Variants in CD84 observed in about 807,000 individuals in gnomAD.
CD84 encodes CD84 molecule.
In CD84, 22 loss-of-function variants were observed where a neutral mutation model predicts 33.8. That is an observed-to-expected ratio of 0.65 (90% CI 0.46 to 0.93). The LOEUF (loss-of-function observed/expected upper bound fraction) is 0.93, where lower values mean the gene tolerates loss of function less well. CD84 is among the 40% of genes least tolerant of loss of function. The probability of loss-of-function intolerance (pLI) is 0.00; values close to 1 mark genes in which losing one functional copy is unlikely to be tolerated. For missense variants in CD84, 400 were observed against 397.6 expected (o/e 1.01, Z -0.05); for synonymous variants, 154 against 145.2 (o/e 1.06, Z -0.44).
chr1:160,549,051 C>G (rs553697908), intron 6 of CD84, among the ~76,000 whole-genome samples: 14 of 151,996 alleles, frequency 9.2e-5, no homozygotes, highest in Non-Finnish European at 1.3e-4. Context: ...CCCTCCTTCC[C>G]TCTCCTGATC....
chr1:160,550,093 C>T, intron 5 of CD84, 114 bp from the exon 6 acceptor site: 1 of 781,930 alleles, frequency 1.3e-6, no homozygotes, highest in Non-Finnish European at 2.2e-6. Flanking sequence ...TACTGGGTGG[C>T]CTCCCCTTTG....
chr1:160,554,540 A>G (rs1167214068), intron 2 of CD84, among the ~76,000 whole-genome samples: 1 of 152,258 alleles, frequency 6.6e-6, no homozygotes, highest in African/African-American at 2.4e-5. Flanking sequence ...TAAGATAGCA[A>G]TGGAGGAATG....
chr1:160,577,392 A>C (rs1021238173), intron 1 of CD84, among the ~76,000 whole-genome samples: 10 of 152,220 alleles, frequency 6.6e-5, no homozygotes, highest in African/African-American at 2.2e-4. Flanking sequence ...TTGCAGAATA[A>C]TCCTTAAGAG....
intron 1 of CD84, among the ~76,000 whole-genome samples, chr1:160,577,949 C>T (rs890170655): frequency 6.6e-5 from 10 of 151,970 alleles, no homozygotes; most frequent in African/African-American, 2.4e-4. Flanking sequence ...CTAGAGCTAC[C>T]TTTTATCTTA....
At chr1:160,563,653 A>G (rs1657138300) in intron 2 of CD84, among the ~76,000 whole-genome samples, 1 of 152,124 alleles carries the variant, frequency 6.6e-6, no homozygotes, top group South Asian at 2.1e-4. Context: ...TAATACCTAG[A>G]TGATGGAATG....
At chr1:160,556,328 G>A (rs1414819219) in intron 2 of CD84, among the ~76,000 whole-genome samples, 1 of 152,116 alleles carries the variant, frequency 6.6e-6, no homozygotes, top group Non-Finnish European at 1.5e-5. Context: ...CTCTAGCTAT[G>A]GAATAATGGA....
chr1:160,545,744 C>T lies in CD84; in HGVS notation c.*2512G>A, dbSNP rs3737790. 0.02 allele frequency: 3,046 copies of T among 152,374 alleles called. 59 individuals are homozygous for T. Among genetic ancestry groups the T allele is most frequent in the African/African-American group, 0.046 (1,902 of 41,496 alleles). 9.4% of individuals were successfully genotyped at this position (152,374 alleles called of 1,614,324 possible). ...TCCCAGGTTCAAGCAATTCTCCCAC[C>T]TCAGCCTCCCAAGTAGCTGGGATTA... is the stretch of plus-strand genomic sequence containing the variant. On this transcript the variant is annotated 3_prime_UTR_variant, in exon 7 of 7. Transcript: ENST00000368054.
At chr1:160,549,884 G>A in intron 6 of CD84, 33 bp downstream of exon 6, 1 of 1,542,122 alleles carries the variant, frequency 6.5e-7, no homozygotes, top group East Asian at 2.2e-5. Flanking sequence ...GAAGAGTTAG[G>A]AAAGCAAGGA....
intron 1 of CD84, among the ~76,000 whole-genome samples, chr1:160,569,557 C>T (rs573102581): frequency 4.7e-4 from 71 of 151,746 alleles, no homozygotes; most frequent in Non-Finnish European, 8.1e-4. Context: ...CACGCACGCA[C>T]GCACACACAC....
Position 160,548,302 on chromosome 1 carries a change from T to G in CD84, c.941A>C (p.Gln314Pro). 6.2e-7 allele frequency: 1 copy of G among 1,614,204 alleles called. No homozygotes were observed. Among genetic ancestry groups the G allele is most frequent in the Non-Finnish European group, 8.5e-7 (1 of 1,180,032 alleles). Residue 314 changes from glutamine (Q) to proline (P), a missense_variant, in exon 7 of 7, where the codon CAG (glutamine) becomes CCG (proline). Physicochemically the swap from Gln to Pro is moderately conservative, Grantham distance 76. Transcript: ENST00000368054. ...FADKMGKASTQDSKPPGTSSY... is the reference protein window; with the variant it reads ...FADKMGKASTPDSKPPGTSSY... ...TGAAGTCCCAGGAGGTTTACTGTCC[T>G]GTGTGCTGGCTTTCCCCATCTGTGC...
At chr1:160,553,871 G>C (rs774229023) in intron 3 of CD84, 24 bp downstream of exon 3, 1 of 1,614,122 alleles carries the variant, frequency 6.2e-7, no homozygotes, top group East Asian at 2.2e-5. Flanking sequence ...AGACTCACCA[G>C]GAGAGATGGG....
At chr1:160,567,705 G>T (rs1557981903) in intron 1 of CD84, among the ~76,000 whole-genome samples, 1 of 152,180 alleles carries the variant, frequency 6.6e-6, no homozygotes, top group South Asian at 2.1e-4. Flanking sequence ...AAGCCATTGG[G>T]GTAGCGGGTC....
intron 2 of CD84, among the ~76,000 whole-genome samples, chr1:160,555,004 T>A (rs1656508388): frequency 6.6e-6 from 1 of 150,918 alleles, no homozygotes; most frequent in Admixed American, 6.6e-5. Context: ...AACATAAATT[T>A]TATATATATA....
In CD84 at chr1:160,547,260, T is replaced by C. The variant is rs941979642; in HGVS notation, c.*996A>G. 2.5e-6 allele frequency: 1 copy of C among 398,424 alleles called. No individual in the cohort carries two copies. Among genetic ancestry groups the C allele is most frequent in the Non-Finnish European group, 4.4e-6 (1 of 226,060 alleles). 24.7% of individuals were successfully genotyped at this position (398,424 alleles called of 1,614,324 possible). ...CCAAGTTCCTTCTGGAGAATGACTC[T>C]GCTTCTTGCAAGGTCTTCTATTTTG... is the stretch of plus-strand genomic sequence containing the variant. On this transcript the variant is annotated 3_prime_UTR_variant, in exon 7 of 7. Coordinates refer to ENST00000368054, the MANE Select transcript of CD84 (RefSeq NM_003874.4).
intron 2 of CD84, among the ~76,000 whole-genome samples, chr1:160,563,058 C>A (rs1372250358): frequency 6.6e-6 from 1 of 152,104 alleles, no homozygotes; most frequent in African/African-American, 2.4e-5. Flanking sequence ...TCCTGCCCGT[C>A]AGAATGGCAA....
intron 1 of CD84, among the ~76,000 whole-genome samples, chr1:160,576,218 T>A (rs1657984953): frequency 6.6e-6 from 1 of 152,140 alleles, no homozygotes; most frequent in Non-Finnish European, 1.5e-5. Context: ...TGGGGTCCAG[T>A]TACCCATAGT....
rs1348930180 is a variant in CD84, at chr1:160,553,405, A to G, written c.733T>C (p.Leu245=). ...TGTCTTCTCTTGAACAAACGGAACA[A>G]AAACACTGAAGACAGAATGAGAACA... is the stretch of plus-strand genomic sequence containing the variant. ...LLVLILSSVF[L]FRLFKRRQDA... The change falls in exon 4 of 7, where the codon TTG becomes CTG. Residue 245 remains leucine, a synonymous_variant. Transcript: ENST00000368054. The G allele has an allele frequency of 6.2e-7, 1 of 1,614,146 alleles. No individual in the cohort carries two copies. The highest frequency in any genetic ancestry group is 8.5e-7 in the Non-Finnish European group (1 of 1,180,014).
At chr1:160,551,951 T>C (rs887853431) in intron 4 of CD84, among the ~76,000 whole-genome samples, 1 of 152,212 alleles carries the variant, frequency 6.6e-6, no homozygotes, top group Admixed American at 6.5e-5. Flanking sequence ...TTTAAGAATG[T>C]ATAGGCTAGA....
At chr1:160,576,884 G>T (rs1377577523) in intron 1 of CD84, among the ~76,000 whole-genome samples, 1 of 152,152 alleles carries the variant, frequency 6.6e-6, no homozygotes. Flanking sequence ...TATTATTGAT[G>T]GGAGATAAGA....
Sources: allele counts gnomAD v4.1 joint callset (sites outside exome capture counted in the v4.1 genomes callset), GRCh38; gene constraint gnomAD v4.1.1; transcripts MANE v1.5; gene names NCBI Gene and HGNC (gene_info 2026-07-23, HGNC 2026-07-21).